CADPS2: variants seen among roughly 807,000 people sequenced by gnomAD.
CADPS2 encodes the protein calcium dependent secretion activator 2.
In CADPS2, 93 loss-of-function variants were observed where a neutral mutation model predicts 172.5. The observed-to-expected ratio is 0.54, with a 90% CI of 0.46 to 0.64. The LOEUF is 0.64. Ranked by LOEUF, CADPS2 falls within the 30% of genes least tolerant of loss-of-function variation. CADPS2 has a pLI of 0.00. For synonymous variants in CADPS2, 546 were observed against 555.2 expected (o/e 0.98, Z 0.23); for missense variants, 1,420 against 1,565.9 (o/e 0.91, Z 1.57).
intron 2 of CADPS2, among the ~76,000 whole-genome samples, chr7:122,708,395 C>T (rs1377461848): frequency 6.7e-6 from 1 of 149,572 alleles, no homozygotes; most frequent in Non-Finnish European, 1.5e-5. Context: ...TTAGAATATT[C>T]ATAATGAGTT....
At chr7:122,536,500 G>C (rs2062289283) in intron 8 of CADPS2, among the ~76,000 whole-genome samples, 1 of 152,048 alleles carries the variant, frequency 6.6e-6, no homozygotes, top group South Asian at 2.1e-4. Context: ...CATCTGTGAG[G>C]ATCAATAAGA....
intron 14 of CADPS2, among the ~76,000 whole-genome samples, chr7:122,465,407 C>A (rs2055002454): frequency 6.6e-6 from 1 of 152,158 alleles, no homozygotes; most frequent in South Asian, 2.1e-4. Flanking sequence ...AATACCCGGG[C>A]TGTGGACTGG....
At chr7:122,753,531 C>T (rs1376343837) in intron 1 of CADPS2, among the ~76,000 whole-genome samples, 1 of 152,120 alleles carries the variant, frequency 6.6e-6, no homozygotes, top group African/African-American at 2.4e-5. Flanking sequence ...GTGAGATAAA[C>T]CTAACCTTAA....
chr7:122,557,131 A>G (rs1325658937), intron 7 of CADPS2, among the ~76,000 whole-genome samples: 1 of 152,148 alleles, frequency 6.6e-6, no homozygotes, highest in Non-Finnish European at 1.5e-5. Context: ...TTTCTAAGAG[A>G]AGTGCATTGG....
At chr7:122,743,976 T>G (rs2092610985) in intron 1 of CADPS2, among the ~76,000 whole-genome samples, 1 of 152,312 alleles carries the variant, frequency 6.6e-6, no homozygotes, top group Non-Finnish European at 1.5e-5. Context: ...AACTTTCCTG[T>G]CCTCTTCCAT....
chr7:122,719,327 C>T (rs540575277), intron 2 of CADPS2, among the ~76,000 whole-genome samples: 4 of 152,246 alleles, frequency 2.6e-5, no homozygotes, highest in Non-Finnish European at 4.4e-5. Flanking sequence ...GTCCCCAACA[C>T]AGCCTTCCTC....
intron 8 of CADPS2, among the ~76,000 whole-genome samples, chr7:122,514,461 TAACA>T (rs2060210341): frequency 6.6e-6 from 1 of 152,040 alleles, no homozygotes; most frequent in Non-Finnish European, 1.5e-5. Flanking sequence ...TTGCAAAACA[TAACA>T]AACATACTGT....
chr7:122,735,691 G>C (rs756013257), intron 2 of CADPS2, among the ~76,000 whole-genome samples: 1 of 152,090 alleles, frequency 6.6e-6, no homozygotes, highest in Non-Finnish European at 1.5e-5. Flanking sequence ...TATCATCTTA[G>C]AGTGCAGCAG....
chr7:122,519,696 A>C (rs1211575085), intron 8 of CADPS2, among the ~76,000 whole-genome samples: 1 of 152,050 alleles, frequency 6.6e-6, no homozygotes, highest in African/African-American at 2.4e-5. Context: ...AAATCCAGCT[A>C]TCCTTAGGTC....
At chr7:122,506,592 G>A (rs10277827) in intron 9 of CADPS2, among the ~76,000 whole-genome samples, 5,250 of 152,190 alleles carry the variant, frequency 0.034, 292 homozygotes, top group African/African-American at 0.12. Context: ...TTTGTATGTC[G>A]TATTCCTACT....
chr7:122,470,544 G>A (rs1403982796), intron 14 of CADPS2, among the ~76,000 whole-genome samples: 2 of 151,732 alleles, frequency 1.3e-5, no homozygotes, highest in Non-Finnish European at 2.9e-5. Context: ...ACCTAGGCTG[G>A]AGTGCAGTGG....
chr7:122,501,355 A>AT (rs2130410649), intron 9 of CADPS2, among the ~76,000 whole-genome samples: 1 of 152,280 alleles, frequency 6.6e-6, no homozygotes, highest in South Asian at 2.1e-4. Context: ...TAAAACTATG[A>AT]TTTTTAGAGG....
intron 1 of CADPS2, among the ~76,000 whole-genome samples, chr7:122,816,801 A>G (rs1407736562): frequency 1.3e-5 from 2 of 152,180 alleles, no homozygotes; most frequent in East Asian, 3.9e-4. Flanking sequence ...GATGGCCTGA[A>G]GTAACTGAAG....
intron 17 of CADPS2, among the ~76,000 whole-genome samples, chr7:122,437,325 G>A (rs1015049743): frequency 1.3e-5 from 2 of 152,016 alleles, no homozygotes; most frequent in Admixed American, 6.6e-5. Context: ...AATCACTCAG[G>A]AGGTTGGTTA....
At chr7:122,332,441 C>T (rs1186600501) in intron 28 of CADPS2, among the ~76,000 whole-genome samples, 2 of 145,402 alleles carry the variant, frequency 1.4e-5, no homozygotes, top group Admixed American at 7.0e-5. Context: ...GTGATTCATG[C>T]TGCTTTTTTC....
intron 20 of CADPS2, among the ~76,000 whole-genome samples, chr7:122,404,537 T>G (rs547343206): frequency 1.3e-5 from 2 of 152,296 alleles, no homozygotes; most frequent in African/African-American, 4.8e-5. Context: ...CAAATAGTAT[T>G]TCTAGTTCTA....
intron 3 of CADPS2, among the ~76,000 whole-genome samples, chr7:122,658,032 C>A (rs1012014259): frequency 1.3e-5 from 2 of 151,996 alleles, no homozygotes; most frequent in Non-Finnish European, 2.9e-5. Flanking sequence ...AGAACTCAAA[C>A]AAATTTACAA....
intron 2 of CADPS2, among the ~76,000 whole-genome samples, chr7:122,671,802 T>G (rs1317071353): frequency 6.6e-6 from 1 of 152,128 alleles, no homozygotes; most frequent in Non-Finnish European, 1.5e-5. Flanking sequence ...TGGAGAGTAT[T>G]TAGCAGAGGA....
chr7:122,766,849 AT>A (rs1389917615), intron 1 of CADPS2, among the ~76,000 whole-genome samples: 3 of 152,140 alleles, frequency 2.0e-5, no homozygotes, highest in Admixed American at 6.6e-5. Flanking sequence ...CAGCTCTATC[AT>A]TTGCTAGTTA....
Sources: gnomAD v4.1 joint callset for allele counts (sites outside exome capture counted in the v4.1 genomes callset) on GRCh38, gnomAD v4.1.1 for gene constraint, MANE v1.5 for transcripts, NCBI Gene and HGNC (gene_info 2026-07-23, HGNC 2026-07-21) for gene names.